The following PDE4D variants were observed in gnomAD, a reference collection of about 807,000 sequenced individuals.
PDE4D encodes the protein phosphodiesterase 4D.
A neutral mutation model predicts 87.4 loss-of-function variants in PDE4D; 24 were observed. That is an observed-to-expected ratio of 0.27 (90% CI 0.20 to 0.39). The LOEUF (loss-of-function observed/expected upper bound fraction) is 0.39, where lower values mean the gene tolerates loss of function less well. Ranked by LOEUF, PDE4D falls within the 10% of genes least tolerant of loss-of-function variation. The pLI, the probability that PDE4D is intolerant of heterozygous loss-of-function variation, is 1.00. For synonymous variants in PDE4D, 384 were observed against 383.2 expected (o/e 1.00, Z -0.02); for missense variants, 714 against 1,041.0 (o/e 0.69, Z 4.32).
intron 3 of PDE4D, among the ~76,000 whole-genome samples, chr5:59,899,384 A>T (rs1057008450): frequency 6.6e-6 from 1 of 152,058 alleles, no homozygotes; most frequent in Non-Finnish European, 1.5e-5. Context: ...CAATAAAGAA[A>T]AGTTCTGGCC....
At chr5:60,511,592 T>C (rs893643955) in intron 1 of PDE4D, among the ~76,000 whole-genome samples, 6 of 151,340 alleles carry the variant, frequency 4.0e-5, no homozygotes, top group Non-Finnish European at 7.4e-5. Flanking sequence ...TCCCACTTCG[T>C]TTATTCTTAA....
At chr5:60,057,182 G>A (rs1469107843) in intron 2 of PDE4D, among the ~76,000 whole-genome samples, 1 of 152,010 alleles carries the variant, frequency 6.6e-6, no homozygotes, top group African/African-American at 2.4e-5. Flanking sequence ...ATATTTAGAT[G>A]ATGAAAGTAA....
In PDE4D at chr5:59,219,825, C is replaced by A. The variant is rs918576386; in HGVS notation, c.456-3857G>T. ...AATTTAAGAAGTTGCAGGATGTACA[C>A]CTTTGAAGGAGAGTTAAAAAATGTC... On this transcript the variant is annotated intron_variant, in intron 1 of 14. Transcript: ENST00000340635. 7.2e-5 allele frequency among the ~76,000 whole-genome samples: 11 copies of A among 152,174 alleles called. No individual in the cohort carries two copies. In the East Asian group the frequency reaches 2.1e-3, roughly 29 times the overall value.
chr5:58,988,483 G>A lies in PDE4D; in HGVS notation c.1552+10C>T, dbSNP rs1218711038. On this transcript the variant is annotated intron_variant, in intron 11 of 14. Transcript: ENST00000340635. ...GAAAAATGTGTTCTGAAAAAATAAA[G>A]TTTACTTACTTGTATTGATCAGAAA... is the stretch of plus-strand genomic sequence containing the variant. 1 of 1,234,328 alleles carries A rather than the reference G, an allele frequency of 8.1e-7. No homozygotes were observed. Among genetic ancestry groups the A allele is most frequent in the Admixed American group, 2.6e-5 (1 of 39,020 alleles). 76.5% of individuals were successfully genotyped at this position (1,234,328 alleles called of 1,614,324 possible). A position where few individuals can be genotyped will look rare whatever the true frequency, so the allele number is the denominator to read the frequency against.
intron 4 of PDE4D, among the ~76,000 whole-genome samples, chr5:59,180,885 A>C (rs1207010976): frequency 1.3e-5 from 2 of 152,314 alleles, no homozygotes; most frequent in East Asian, 3.9e-4. Flanking sequence ...GGGTAAATAA[A>C]GCTGATGTAA....
At chr5:59,533,755 G>T (rs1428209660) in intron 1 of PDE4D, among the ~76,000 whole-genome samples, 1 of 152,136 alleles carries the variant, frequency 6.6e-6, no homozygotes, top group Non-Finnish European at 1.5e-5. Context: ...GAAATTTTGG[G>T]GAAGGGGCCT....
chr5:59,259,602 C>T (rs1327989681), intron 1 of PDE4D, among the ~76,000 whole-genome samples: 2 of 151,872 alleles, frequency 1.3e-5, no homozygotes, highest in Non-Finnish European at 2.9e-5. Flanking sequence ...AAACATGCTT[C>T]TGAAAACTAA....
At chr5:59,406,988 G>A (rs1791785477) in intron 1 of PDE4D, among the ~76,000 whole-genome samples, 1 of 152,106 alleles carries the variant, frequency 6.6e-6, no homozygotes, top group Non-Finnish European at 1.5e-5. Flanking sequence ...ATATTCAACA[G>A]GGAGACACTA....
At chr5:59,415,421 T>G (rs1582484501) in intron 1 of PDE4D, among the ~76,000 whole-genome samples, 1 of 152,126 alleles carries the variant, frequency 6.6e-6, no homozygotes, top group African/African-American at 2.4e-5. Flanking sequence ...CCAGATAATC[T>G]AAATATGAAC....
intron 1 of PDE4D, among the ~76,000 whole-genome samples, chr5:59,586,025 C>T (rs988181247): frequency 6.6e-6 from 1 of 152,114 alleles, no homozygotes; most frequent in African/African-American, 2.4e-5. Flanking sequence ...AACCCTAAGC[C>T]TCATCTTTAA....
intron 1 of PDE4D, among the ~76,000 whole-genome samples, chr5:59,389,391 A>G (rs1314386154): frequency 6.6e-6 from 1 of 151,784 alleles, no homozygotes; most frequent in Non-Finnish European, 1.5e-5. Flanking sequence ...ATAAAATTTT[A>G]ATATATATTT....
chr5:60,507,357 G>C (rs979526792), intron 1 of PDE4D, among the ~76,000 whole-genome samples: 5 of 152,172 alleles, frequency 3.3e-5, no homozygotes, highest in African/African-American at 1.2e-4. Flanking sequence ...TTACAGGCTT[G>C]AGCCACCGCA....
At chr5:60,071,927 GCATT>G (rs1772764528) in intron 2 of PDE4D, among the ~76,000 whole-genome samples, 1 of 152,216 alleles carries the variant, frequency 6.6e-6, no homozygotes, top group African/African-American at 2.4e-5. Context: ...CCATTGATAG[GCATT>G]TAGATTGATT....
chr5:59,063,768 A>C (rs1763484370), intron 5 of PDE4D, among the ~76,000 whole-genome samples: 1 of 152,194 alleles, frequency 6.6e-6, no homozygotes, highest in South Asian at 2.1e-4. Context: ...TGCCTTAAAA[A>C]GTCTAAAAGA....
At chr5:59,666,742 C>T (rs946164766) in intron 1 of PDE4D, among the ~76,000 whole-genome samples, 3 of 152,184 alleles carry the variant, frequency 2.0e-5, no homozygotes, top group Admixed American at 6.5e-5. Context: ...TTCCACAACC[C>T]GTTAGAAATT....
intron 1 of PDE4D, among the ~76,000 whole-genome samples, chr5:59,507,173 A>G (rs928465986): frequency 2.6e-5 from 4 of 152,098 alleles, no homozygotes; most frequent in African/African-American, 9.7e-5. Flanking sequence ...CTCTACTAAA[A>G]ATACAAAAAT....
At chr5:59,569,482 T>G (rs1268581650) in intron 1 of PDE4D, among the ~76,000 whole-genome samples, 4 of 152,180 alleles carry the variant, frequency 2.6e-5, no homozygotes, top group Admixed American at 2.6e-4. Context: ...GAGAAAAATT[T>G]CAGCAAATCA....
intron 3 of PDE4D, among the ~76,000 whole-genome samples, chr5:59,913,834 C>T (rs1753703993): frequency 1.3e-5 from 2 of 151,944 alleles, no homozygotes; most frequent in Non-Finnish European, 2.9e-5. Flanking sequence ...AGAACAACAG[C>T]CTTGAAGGAT....
chr5:59,994,110 A>T (rs977202528), intron 2 of PDE4D, among the ~76,000 whole-genome samples: 8 of 151,090 alleles, frequency 5.3e-5, no homozygotes, highest in African/African-American at 1.9e-4. Context: ...TCTTTGTTTA[A>T]TTTTTTTTCT....
Sources: gnomAD v4.1 joint callset for allele counts (sites outside exome capture counted in the v4.1 genomes callset) on GRCh38, gnomAD v4.1.1 for gene constraint, MANE v1.5 for transcripts, NCBI Gene and HGNC (gene_info 2026-07-23, HGNC 2026-07-21) for gene names.